NCKAP5: variants seen among roughly 807,000 people sequenced by gnomAD.
NCKAP5 encodes NCK associated protein 5.
Under a neutral mutation model 167.0 loss-of-function variants are expected in NCKAP5, and 92 were observed. The ratio of observed to expected loss-of-function variants is 0.55; its 90% CI spans 0.47 to 0.66. The LOEUF (loss-of-function observed/expected upper bound fraction) is 0.66, where lower values mean the gene tolerates loss of function less well. Among genes scored for constraint, NCKAP5 ranks in the 30% least tolerant of loss-of-function variants. The pLI is 0.00. For synonymous variants in NCKAP5, 891 were observed against 877.4 expected (o/e 1.02, Z -0.27); for missense variants, 2,378 against 2,315.0 (o/e 1.03, Z -0.56).
chr2:133,371,163 C>T lies in NCKAP5; in HGVS notation c.70-68053G>A, dbSNP rs143843261. ...CTCTGACCAGCTAAGACCTTCAGTC[C>T]CAAATAACAGAGAATCTGCTGGATT... is the stretch of plus-strand genomic sequence containing the variant. On this transcript the variant is annotated intron_variant, in intron 3 of 19. Coordinates refer to ENST00000409261, the MANE Select transcript of NCKAP5 (RefSeq NM_207363.3). Among the ~76,000 whole-genome samples the T allele has an allele frequency of 2.0e-3, 305 of 152,178 alleles. 2 individuals are homozygous for T. Among genetic ancestry groups the T allele is most frequent in the African/African-American group, 7.1e-3 (294 of 41,510 alleles).
chr2:133,619,066 A>G, the NCKAP5 span, among the ~76,000 whole-genome samples: 2 of 135,084 alleles, frequency 1.5e-5, no homozygotes, highest in African/African-American at 5.4e-5. Context: ...CAAAAAACCA[A>G]ACACCGCATA....
At chr2:133,034,016 G>A (rs1257885527) in intron 6 of NCKAP5, among the ~76,000 whole-genome samples, 3 of 151,976 alleles carry the variant, frequency 2.0e-5, no homozygotes, top group Admixed American at 2.0e-4. Flanking sequence ...AGTACAAGAA[G>A]GTTATAGAAT....
the NCKAP5 span, among the ~76,000 whole-genome samples, chr2:133,601,784 G>C: frequency 6.6e-6 from 1 of 152,038 alleles, no homozygotes; most frequent in African/African-American, 2.4e-5. Flanking sequence ...ACTTTTTAAA[G>C]ATTTTTTTCA....
At chr2:132,822,358 C>A (rs1558822649) in intron 11 of NCKAP5, among the ~76,000 whole-genome samples, 1 of 152,212 alleles carries the variant, frequency 6.6e-6, no homozygotes. Context: ...GGCTGAGAGA[C>A]CTGAAGATGG....
intron 11 of NCKAP5, 131 bp downstream of exon 11, chr2:132,860,361 T>G (rs536904714): frequency 2.8e-6 from 3 of 1,090,754 alleles, no homozygotes; most frequent in East Asian, 5.3e-5. Flanking sequence ...TGACATAACT[T>G]GAGAAAGGAA....
intron 3 of NCKAP5, among the ~76,000 whole-genome samples, chr2:133,373,258 C>T (rs933324640): frequency 6.6e-6 from 1 of 151,964 alleles, no homozygotes; most frequent in African/African-American, 2.4e-5. Flanking sequence ...AGGGTTTCAC[C>T]ATGTTGGTCA....
intron 8 of NCKAP5, among the ~76,000 whole-genome samples, chr2:132,885,200 GA>G (rs34847394): frequency 0.33 from 47,111 of 143,220 alleles, 7,542 homozygotes; most frequent in Non-Finnish European, 0.37. Context: ...AGGCAACAGA[GA>G]AAAAAAAAAC....
intron 4 of NCKAP5, among the ~76,000 whole-genome samples, chr2:133,284,160 C>CATATATAT (rs5834351): frequency 1.1e-4 from 17 of 149,862 alleles, no homozygotes; most frequent in African/African-American, 3.2e-4. Flanking sequence ...TAAGATTGTG[C>CATATATAT]ATATATATAT....
chr2:133,246,128 G>A (rs2087977758), intron 4 of NCKAP5, among the ~76,000 whole-genome samples: 1 of 152,030 alleles, frequency 6.6e-6, no homozygotes, highest in African/African-American at 2.4e-5. Flanking sequence ...CCAGCAATAG[G>A]AATGATTCCA....
chr2:132,982,863 T>TG (rs1408860726), intron 7 of NCKAP5, among the ~76,000 whole-genome samples: 4 of 152,226 alleles, frequency 2.6e-5, no homozygotes, highest in African/African-American at 9.6e-5. Flanking sequence ...TTTTTATGGC[T>TG]GGGTAGTATT....
intron 15 of NCKAP5, among the ~76,000 whole-genome samples, chr2:132,775,131 C>T (rs563167192): frequency 2.4e-4 from 37 of 152,216 alleles, no homozygotes; most frequent in Non-Finnish European, 4.7e-4. Flanking sequence ...CGCTTAGGCA[C>T]GTACGTTAGA....
intron 8 of NCKAP5, among the ~76,000 whole-genome samples, chr2:132,885,325 C>T (rs1692132563): frequency 6.6e-6 from 1 of 152,128 alleles, no homozygotes; most frequent in South Asian, 2.1e-4. Flanking sequence ...GCAAGTGTCA[C>T]TATTAAGAAT....
chr2:133,643,547 A>C, the NCKAP5 span, among the ~76,000 whole-genome samples: 1 of 152,112 alleles, frequency 6.6e-6, no homozygotes, highest in African/African-American at 2.4e-5. Flanking sequence ...TTGTTCTCAA[A>C]TATACCCCCA....
intron 15 of NCKAP5, among the ~76,000 whole-genome samples, chr2:132,774,468 T>C (rs954952752): frequency 2.7e-5 from 4 of 147,794 alleles, no homozygotes; most frequent in South Asian, 2.2e-4. Context: ...CAGTGAGTCA[T>C]TTATCTAGAT....
intron 6 of NCKAP5, among the ~76,000 whole-genome samples, chr2:133,100,513 C>T (rs2081476290): frequency 6.6e-6 from 1 of 152,090 alleles, no homozygotes; most frequent in South Asian, 2.1e-4. Context: ...AGAGTCCAGA[C>T]GTGGTAGGGT....
At chr2:132,878,681 C>A (rs1305023064) in intron 9 of NCKAP5, among the ~76,000 whole-genome samples, 167 bp downstream of exon 9, 3 of 150,408 alleles carry the variant, frequency 2.0e-5, no homozygotes, top group African/African-American at 4.9e-5. Flanking sequence ...CACACACCGC[C>A]CACACACACA....
chr2:133,299,816 A>T (rs540395741), intron 4 of NCKAP5, among the ~76,000 whole-genome samples: 4 of 152,178 alleles, frequency 2.6e-5, no homozygotes, highest in Admixed American at 2.6e-4. Context: ...TGTACTTAAT[A>T]AAACAATTTC....
At chr2:133,127,736 C>T (rs545905720) in intron 6 of NCKAP5, among the ~76,000 whole-genome samples, 1 of 152,276 alleles carries the variant, frequency 6.6e-6, no homozygotes, top group South Asian at 2.1e-4. Context: ...ACCAATATTA[C>T]CAAGCAGTGC....
At chr2:132,819,784 A>G (rs1216331159) in intron 11 of NCKAP5, among the ~76,000 whole-genome samples, 1 of 152,154 alleles carries the variant, frequency 6.6e-6, no homozygotes, top group African/African-American at 2.4e-5. Flanking sequence ...CTGCCACCCT[A>G]CTTCAATTTG....
Sources: allele counts gnomAD v4.1 joint callset (sites outside exome capture counted in the v4.1 genomes callset), GRCh38; gene constraint gnomAD v4.1.1; transcripts MANE v1.5; gene names NCBI Gene and HGNC (gene_info 2026-07-23, HGNC 2026-07-21).